Variants in EDIL3 observed in about 807,000 individuals in gnomAD.
The protein encoded by EDIL3 is EGF like and discoidin domains 3.
Under a neutral mutation model 67.4 loss-of-function variants are expected in EDIL3, and 37 were observed. The ratio of observed to expected loss-of-function variants is 0.55; its 90% CI spans 0.42 to 0.72. The LOEUF (loss-of-function observed/expected upper bound fraction) is 0.72. Among genes scored for constraint, EDIL3 ranks in the 30% least tolerant of loss-of-function variants. The pLI is 0.00. For missense variants in EDIL3, 527 were observed against 586.3 expected (o/e 0.90, Z 1.04); for synonymous variants, 195 against 196.3 (o/e 0.99, Z 0.05).
At chr5:84,365,006 A>C (rs1580103841) in intron 1 of EDIL3, among the ~76,000 whole-genome samples, 1 of 116,026 alleles carries the variant, frequency 8.6e-6, no homozygotes, top group African/African-American at 3.4e-5. Flanking sequence ...AATGGAAAGT[A>C]TTGGGTTTTG....
At chr5:84,245,718 A>C (rs529608735) in intron 2 of EDIL3, among the ~76,000 whole-genome samples, 1 of 148,898 alleles carries the variant, frequency 6.7e-6, no homozygotes, top group South Asian at 2.1e-4. Context: ...GCTGGAAGAT[A>C]AAATCTTTCC....
At chr5:83,977,132 T>C (rs879664595) in intron 9 of EDIL3, among the ~76,000 whole-genome samples, 4 of 151,830 alleles carry the variant, frequency 2.6e-5, no homozygotes, top group Admixed American at 6.6e-5. Flanking sequence ...TTGATGAGTA[T>C]ACGAATGTTT....
chr5:84,060,760 T>C (rs112851970), intron 8 of EDIL3, among the ~76,000 whole-genome samples: 8 of 152,334 alleles, frequency 5.3e-5, no homozygotes, highest in South Asian at 4.1e-4. Context: ...TAGATGATTC[T>C]GCAAAATGAA....
chr5:83,966,799 A>G (rs926789746), intron 9 of EDIL3, among the ~76,000 whole-genome samples: 3 of 152,150 alleles, frequency 2.0e-5, no homozygotes, highest in Non-Finnish European at 4.4e-5. Flanking sequence ...ACATCATGAA[A>G]TTAAGAAATC....
chr5:84,333,373 T>G (rs1483862467), intron 1 of EDIL3, among the ~76,000 whole-genome samples: 1 of 152,110 alleles, frequency 6.6e-6, no homozygotes, highest in Non-Finnish European at 1.5e-5. Flanking sequence ...TTCTTAACAT[T>G]TCACTGAAAA....
At chr5:84,308,565 T>C (rs1223390306) in intron 1 of EDIL3, among the ~76,000 whole-genome samples, 1 of 152,210 alleles carries the variant, frequency 6.6e-6, no homozygotes, top group Non-Finnish European at 1.5e-5. Flanking sequence ...CAATTTCATT[T>C]GGAAGAATTG....
At chr5:84,106,129 ATTG>A (rs1747456080) in intron 6 of EDIL3, among the ~76,000 whole-genome samples, 1 of 152,060 alleles carries the variant, frequency 6.6e-6, no homozygotes, top group African/African-American at 2.4e-5. Context: ...ATTTCAGTAT[ATTG>A]TTGTTTTCTC....
chr5:84,300,269 C>G (rs189435779), intron 1 of EDIL3, among the ~76,000 whole-genome samples: 59 of 152,254 alleles, frequency 3.9e-4, no homozygotes, highest in Non-Finnish European at 2.9e-5. Context: ...ATAATCACAT[C>G]CCCTCTCCTC....
chr5:84,205,433 C>G (rs112523914), intron 3 of EDIL3, among the ~76,000 whole-genome samples: 1 of 152,032 alleles, frequency 6.6e-6, no homozygotes, highest in East Asian at 1.9e-4. Context: ...TCTTTATCTC[C>G]GTGACAGAAG....
rs377517195 is a variant in EDIL3, at chr5:84,369,187, C to A, written c.67+15121G>T. Among the ~76,000 whole-genome samples the A allele has an allele frequency of 4.0e-5, 6 of 150,802 alleles. No homozygotes were observed. In the South Asian group the frequency reaches 1.3e-3, roughly 32 times the overall value. On this transcript the variant is annotated intron_variant, in intron 1 of 10. Transcript: ENST00000296591. ...GCCATGTTCATAGCAGCATTATTCA[C>A]AATAGCAAAAACTTAGAATATATAT... is the stretch of plus-strand genomic sequence containing the variant.
At chr5:84,315,765 C>A (rs1285547640) in intron 1 of EDIL3, among the ~76,000 whole-genome samples, 1 of 152,052 alleles carries the variant, frequency 6.6e-6, no homozygotes, top group Non-Finnish European at 1.5e-5. Flanking sequence ...GAGAACACCA[C>A]AAAGACATTC....
At chr5:84,204,455 T>C (rs1743914915) in intron 3 of EDIL3, among the ~76,000 whole-genome samples, 1 of 152,238 alleles carries the variant, frequency 6.6e-6, no homozygotes, top group Admixed American at 6.5e-5. Context: ...CATTTTATAA[T>C]ATAGTTCCAT....
chr5:84,333,894 G>A (rs1012230978), intron 1 of EDIL3, among the ~76,000 whole-genome samples: 3 of 152,072 alleles, frequency 2.0e-5, no homozygotes, highest in Admixed American at 1.3e-4. Context: ...AACATTTTAG[G>A]TGATTAGGGA....
chr5:84,328,018 T>A (rs982157866), intron 1 of EDIL3, among the ~76,000 whole-genome samples: 1 of 152,032 alleles, frequency 6.6e-6, no homozygotes, highest in African/African-American at 2.4e-5. Flanking sequence ...CAAAGAGAAG[T>A]TATTTCCAAT....
chr5:84,309,087 A>C (rs1230007427), intron 1 of EDIL3, among the ~76,000 whole-genome samples: 1 of 152,166 alleles, frequency 6.6e-6, no homozygotes, highest in East Asian at 1.9e-4. Flanking sequence ...CTGGTGCTAC[A>C]TATTGAGGAC....
At chr5:84,298,885 T>C (rs2112127668) in intron 1 of EDIL3, among the ~76,000 whole-genome samples, 1 of 152,262 alleles carries the variant, frequency 6.6e-6, no homozygotes, top group East Asian at 1.9e-4. Context: ...CTTTTGTGGT[T>C]GGGGCGCATC....
rs540857727 is a variant in EDIL3, at chr5:83,963,489, G to A, written c.1138-129C>T. On this transcript the variant is annotated intron_variant, in intron 9 of 10. Coordinates refer to ENST00000296591, the MANE Select transcript of EDIL3 (RefSeq NM_005711.5). Reference sequence around the variant, plus strand: ...AAATCTGTCTAGTTATTTGTATTTTGAAACCAATGACTGAGTCTATTATTG... The same window carrying A: ...AAATCTGTCTAGTTATTTGTATTTTAAAACCAATGACTGAGTCTATTATTG... 49 of 1,063,036 alleles carry A rather than the reference G, an allele frequency of 4.6e-5. No homozygotes were observed. The East Asian group carries it at 1.4e-3, about 30-fold the overall frequency. The allele number at this position is 1,063,036 out of a possible 1,614,324, so 65.9% of individuals were successfully genotyped here. A position where few individuals can be genotyped will look rare whatever the true frequency, so the allele number is the denominator to read the frequency against.
At chr5:84,330,533 C>T (rs1365071854) in intron 1 of EDIL3, among the ~76,000 whole-genome samples, 2 of 152,148 alleles carry the variant, frequency 1.3e-5, no homozygotes, top group Non-Finnish European at 2.9e-5. Context: ...TTCTCATACT[C>T]AGCTTGAGCA....
At chr5:84,286,308 T>C (rs1258826069) in intron 1 of EDIL3, among the ~76,000 whole-genome samples, 1 of 152,164 alleles carries the variant, frequency 6.6e-6, no homozygotes, top group Non-Finnish European at 1.5e-5. Context: ...TAGGGAGTCA[T>C]AGAGCCTGTC....
Sources: gnomAD v4.1 joint callset for allele counts (sites outside exome capture counted in the v4.1 genomes callset) on GRCh38, gnomAD v4.1.1 for gene constraint, MANE v1.5 for transcripts, NCBI Gene and HGNC (gene_info 2026-07-23, HGNC 2026-07-21) for gene names.